Variants in TANK observed in about 807,000 individuals in gnomAD.
TANK encodes TRAF family member-associated NF-kappa-B activator.
A neutral mutation model predicts 43.6 loss-of-function variants in TANK; 15 were observed. The observed-to-expected ratio is 0.34, with a 90% confidence interval of 0.23 to 0.53. The LOEUF (loss-of-function observed/expected upper bound fraction) is 0.53. Ranked by LOEUF, TANK falls within the 20% of genes least tolerant of loss-of-function variation. The probability of loss-of-function intolerance (pLI) is 0.94; values close to 1 mark genes in which losing one functional copy is unlikely to be tolerated. For synonymous variants in TANK, 162 were observed against 178.2 expected (o/e 0.91, Z 0.73); for missense variants, 417 against 498.6 (o/e 0.84, Z 1.56).
intron 1 of TANK, among the ~76,000 whole-genome samples, chr2:161,151,326 T>A (rs1684075278): frequency 6.6e-6 from 1 of 152,166 alleles, no homozygotes; most frequent in Non-Finnish European, 1.5e-5. Flanking sequence ...TATTTTCTTT[T>A]GGATCTTCTG....
At chr2:161,146,685 G>A (rs1467475890) in intron 1 of TANK, among the ~76,000 whole-genome samples, 1 of 152,186 alleles carries the variant, frequency 6.6e-6, no homozygotes, top group Non-Finnish European at 1.5e-5. Context: ...CAGAAAAGAT[G>A]GATGCCTGCT....
chr2:161,221,761 A>G (rs1687356509), intron 4 of TANK, among the ~76,000 whole-genome samples: 1 of 152,018 alleles, frequency 6.6e-6, no homozygotes, highest in African/African-American at 2.4e-5. Context: ...GAAATATACT[A>G]ACAGCTTTAT....
At chr2:161,150,004 G>A (rs543097697) in intron 1 of TANK, among the ~76,000 whole-genome samples, 4 of 152,186 alleles carry the variant, frequency 2.6e-5, no homozygotes, top group South Asian at 2.1e-4. Flanking sequence ...CCCATAGAAC[G>A]AGTTAGTAAG....
intron 1 of TANK, among the ~76,000 whole-genome samples, chr2:161,165,937 T>C (rs577010408): frequency 6.6e-6 from 1 of 152,322 alleles, no homozygotes; most frequent in South Asian, 2.1e-4. Flanking sequence ...AGTTGTGCAC[T>C]TAAACCCATA....
intron 7 of TANK, among the ~76,000 whole-genome samples, chr2:161,234,063 C>T (rs903539280): frequency 1.3e-5 from 2 of 151,964 alleles, no homozygotes; most frequent in African/African-American, 4.8e-5. Flanking sequence ...ATTATAAGTC[C>T]TCCATACTGA....
In TANK at chr2:161,211,572, TTCTA is replaced by T. The variant is rs1686889530; in HGVS notation, c.327+6781_327+6784del. Among the ~76,000 whole-genome samples, 3 of 152,334 alleles carry T rather than the reference TTCTA, an allele frequency of 2.0e-5. No individual in the cohort carries two copies. The South Asian group carries it at 6.2e-4, about 32-fold the overall frequency. On this transcript the variant is annotated intron_variant, in intron 4 of 7. Transcript: ENST00000392749. Reference sequence around the variant, plus strand: ...TCAACATATTTAGCTACTAAGTGATTTCTATGGAAAAGCCAAATCTCATTTACAT... The same window carrying T: ...TCAACATATTTAGCTACTAAGTGATTTGGAAAAGCCAAATCTCATTTACAT...
chr2:161,186,924 C>T (rs1685686201), intron 2 of TANK, among the ~76,000 whole-genome samples: 1 of 152,092 alleles, frequency 6.6e-6, no homozygotes. Flanking sequence ...AAATGCTTAC[C>T]ATACTAATCA....
chr2:161,227,806 G>A (rs1400972096), intron 6 of TANK, among the ~76,000 whole-genome samples: 1 of 152,164 alleles, frequency 6.6e-6, no homozygotes, highest in African/African-American at 2.4e-5. Flanking sequence ...CATCTACAAA[G>A]ACAGTACTGT....
At chr2:161,215,128 T>C (rs1022753765) in intron 4 of TANK, among the ~76,000 whole-genome samples, 1 of 152,166 alleles carries the variant, frequency 6.6e-6, no homozygotes, top group Non-Finnish European at 1.5e-5. Context: ...CCATGGCAGA[T>C]TACCTCTCCC....
chr2:161,166,810 A>T (rs1473147852), intron 1 of TANK, among the ~76,000 whole-genome samples: 1 of 151,878 alleles, frequency 6.6e-6, no homozygotes, highest in Non-Finnish European at 1.5e-5. Flanking sequence ...AAAAAACAAA[A>T]AACAAAACAA....
At chr2:161,172,373 T>TG (rs1684987320) in intron 1 of TANK, among the ~76,000 whole-genome samples, 6 of 150,160 alleles carry the variant, frequency 4.0e-5, no homozygotes, top group African/African-American at 7.3e-5. Context: ...TTTTTTTTTT[T>TG]TGGGGGTAAA....
chr2:161,151,678 C>T (rs1009877517), intron 1 of TANK, among the ~76,000 whole-genome samples: 1 of 152,160 alleles, frequency 6.6e-6, no homozygotes, highest in Non-Finnish European at 1.5e-5. Flanking sequence ...AAGTCCTTTG[C>T]AGATAACATA....
chr2:161,209,188 A>G (rs1686775319), intron 4 of TANK, among the ~76,000 whole-genome samples: 1 of 152,232 alleles, frequency 6.6e-6, no homozygotes, highest in Non-Finnish European at 1.5e-5. Flanking sequence ...TATACTTTCC[A>G]GAGGAGAATA....
chr2:161,196,032 C>G (rs924760203), intron 2 of TANK, among the ~76,000 whole-genome samples: 1 of 152,096 alleles, frequency 6.6e-6, no homozygotes, highest in Non-Finnish European at 1.5e-5. Flanking sequence ...TTGCAGTGAG[C>G]CTAGATCACG....
Position 161,150,735 on chromosome 2 carries a change from C to T in TANK, c.-50+13672C>T, listed in dbSNP as rs541695020. 5.9e-5 allele frequency among the ~76,000 whole-genome samples: 9 copies of T among 151,880 alleles called. No homozygotes were observed. The East Asian group carries it at 7.7e-4, about 13-fold the overall frequency. ...CCAAATAGCCGGGATTACAGGCACA[C>T]GCATACCACCACACCGAGCTAATTT... is the stretch of plus-strand genomic sequence containing the variant. On this transcript the variant is annotated intron_variant, in intron 1 of 7. Coordinates refer to the TANK transcript ENST00000259075.
intron 4 of TANK, chr2:161,211,672 A>G: frequency 2.9e-6 from 2 of 685,742 alleles, no homozygotes; most frequent in Non-Finnish European, 3.6e-6. Context: ...TTTGTTACTC[A>G]ACTTTTTAAA....
intron 1 of TANK, among the ~76,000 whole-genome samples, chr2:161,147,572 C>A (rs1200319549): frequency 6.6e-6 from 1 of 152,202 alleles, no homozygotes; most frequent in East Asian, 1.9e-4. Context: ...GGCTTCCCTG[C>A]CCCATGTGGC....
At chr2:161,148,209 T>C (rs553880664) in intron 1 of TANK, among the ~76,000 whole-genome samples, 1 of 152,346 alleles carries the variant, frequency 6.6e-6, no homozygotes. Flanking sequence ...TGGGTTCTTA[T>C]TACAGCCATC....
At chr2:161,150,529 T>C (rs1379629596) in intron 1 of TANK, among the ~76,000 whole-genome samples, 2 of 151,884 alleles carry the variant, frequency 1.3e-5, no homozygotes, top group Admixed American at 1.3e-4. Context: ...TTTAGTTTGC[T>C]CTTCCTTTTC....
Sources: allele counts gnomAD v4.1 joint callset (sites outside exome capture counted in the v4.1 genomes callset), GRCh38; gene constraint gnomAD v4.1.1; transcripts MANE v1.5; gene names NCBI Gene and HGNC (gene_info 2026-07-23, HGNC 2026-07-21).